Variants in C14orf39 observed in about 807,000 individuals in gnomAD.
C14orf39 encodes protein SIX6OS1.
In C14orf39, 66 loss-of-function variants were observed where a neutral mutation model predicts 85.6. The ratio of observed to expected loss-of-function variants is 0.77; its 90% CI spans 0.63 to 0.95. C14orf39 has a LOEUF of 0.95. Ranked by LOEUF, C14orf39 falls within the 40% of genes least tolerant of loss-of-function variation. The probability of loss-of-function intolerance (pLI) is 0.00; values close to 1 mark genes in which losing one functional copy is unlikely to be tolerated. For synonymous variants in C14orf39, 242 were observed against 214.0 expected (o/e 1.13, Z -1.14); for missense variants, 735 against 663.9 (o/e 1.11, Z -1.18).
chr14:60,461,322 C>T lies in C14orf39; in HGVS notation c.1117+32G>A, dbSNP rs537922292. On this transcript the variant is annotated intron_variant, in intron 13 of 17. Transcript: ENST00000321731. ...AACCTGATATAATTTGTTACCCCGA[C>T]TTCTTAGAAGAAAAATATAAACGGC... 447 of 1,579,344 alleles carry T rather than the reference C, an allele frequency of 2.8e-4. 2 individuals carry two copies. The South Asian group carries it at 4.7e-3, about 16-fold the overall frequency.
chr14:60,510,976 T>G, intron 1 of C14orf39: 1 of 1,192,924 alleles, frequency 8.4e-7, no homozygotes, highest in Non-Finnish European at 1.2e-6. Flanking sequence ...GCTGGGGTCT[T>G]CGGAAGAACC....
chr14:60,510,271 CAGTT>C (rs1018361280), intron 1 of C14orf39, among the ~76,000 whole-genome samples: 1 of 152,184 alleles, frequency 6.6e-6, no homozygotes, highest in African/African-American at 2.4e-5. Context: ...ATCCTACAAA[CAGTT>C]AGGGACCCCA....
intron 1 of C14orf39, among the ~76,000 whole-genome samples, chr14:60,508,157 T>C (rs895497800): frequency 6.6e-6 from 1 of 152,168 alleles, no homozygotes; most frequent in Non-Finnish European, 1.5e-5. Context: ...TGAATTGTTT[T>C]TGAGCTAAAA....
intron 1 of C14orf39, chr14:60,509,568 G>A (rs1323822988): frequency 5.0e-6 from 8 of 1,612,452 alleles, no homozygotes; most frequent in African/African-American, 1.3e-5. Context: ...CTACGCGCAC[G>A]AGCCATCGTG....
intron 16 of C14orf39, among the ~76,000 whole-genome samples, chr14:60,446,570 C>G (rs1257339888): frequency 6.6e-6 from 1 of 152,008 alleles, no homozygotes; most frequent in East Asian, 1.9e-4. Context: ...GCCTACCAAC[C>G]AAAAAAAGTC....
chr14:60,496,725 T>A (rs1255063483), intron 2 of C14orf39: 1 of 152,616 alleles, frequency 6.6e-6, no homozygotes, highest in African/African-American at 2.4e-5. Flanking sequence ...CTCATTCAAT[T>A]TATCACCATT....
chr14:60,509,560 A>C lies in C14orf39; in HGVS notation c.-144+5835T>G, dbSNP rs1893258157. ...CCCTCAACAAGAATGAGTCGGTGCT[A>C]CGCGCACGAGCCATCGTGGCCTTTC... On this transcript the variant is annotated intron_variant, in intron 1 of 5. Coordinates refer to the C14orf39 transcript ENST00000556799. The C allele has an allele frequency of 6.2e-7, 1 of 1,611,634 alleles. No homozygotes were observed. Among genetic ancestry groups the C allele is most frequent in the Admixed American group, 1.7e-5 (1 of 60,010 alleles).
At chr14:60,454,010 G>A (rs2140063843) in intron 16 of C14orf39, among the ~76,000 whole-genome samples, 1 of 151,878 alleles carries the variant, frequency 6.6e-6, no homozygotes, top group South Asian at 2.1e-4. Flanking sequence ...TTGCATTCAT[G>A]TTATTATTGT....
rs375563040 is a variant in C14orf39, at chr14:60,472,943, C to T, written c.324-1204G>A. Among the ~76,000 whole-genome samples the T allele has an allele frequency of 2.4e-4, 37 of 152,130 alleles. No individual in the cohort carries two copies. The South Asian group carries it at 3.7e-3, about 15-fold the overall frequency. ...CCAGTAATGGGATGGCTGGGTCAAA[C>T]GGTAATTCTAGTTCTAGATCCCTGA... On this transcript the variant is annotated intron_variant, in intron 5 of 17. Coordinates refer to ENST00000321731, the MANE Select transcript of C14orf39 (RefSeq NM_174978.3).
chr14:60,452,252 C>G (rs921750612), intron 16 of C14orf39, among the ~76,000 whole-genome samples: 1 of 150,706 alleles, frequency 6.6e-6, no homozygotes, highest in Non-Finnish European at 1.5e-5. Context: ...AAATAAAAAG[C>G]AAGAAATTAA....
intron 1 of C14orf39, chr14:60,509,675 G>A: frequency 3.1e-6 from 5 of 1,613,914 alleles, no homozygotes; most frequent in Non-Finnish European, 3.4e-6. Context: ...GCTGTGGCTT[G>A]AAGCACACTA....
chr14:60,479,623 C>T (rs906802303), intron 4 of C14orf39, among the ~76,000 whole-genome samples: 10 of 152,110 alleles, frequency 6.6e-5, no homozygotes, highest in African/African-American at 2.2e-4. Context: ...GATGTACATC[C>T]TTCTAGACTT....
chr14:60,507,388 C>T (rs558473345), intron 1 of C14orf39, among the ~76,000 whole-genome samples: 2 of 152,234 alleles, frequency 1.3e-5, no homozygotes, highest in South Asian at 4.1e-4. Context: ...GTTGTCCTTC[C>T]GGCTGATTCG....
At chr14:60,495,601 A>G (rs1328162509) in intron 2 of C14orf39, 1 of 219,620 alleles carries the variant, frequency 4.6e-6, no homozygotes, top group Non-Finnish European at 9.3e-6. Context: ...AACTTGGCAA[A>G]CAGCTGAAGG....
chr14:60,467,828 T>C (rs1008239599), intron 9 of C14orf39, among the ~76,000 whole-genome samples: 1 of 151,618 alleles, frequency 6.6e-6, no homozygotes, highest in African/African-American at 2.4e-5. Context: ...GGAAAGGAGT[T>C]TCAGAAGAAT....
At chr14:60,445,302 T>C (rs1021269130) in intron 16 of C14orf39, among the ~76,000 whole-genome samples, 1 of 152,160 alleles carries the variant, frequency 6.6e-6, no homozygotes, top group African/African-American at 2.4e-5. Context: ...CCCATCACTG[T>C]GCTGTATTCA....
intron 17 of C14orf39, among the ~76,000 whole-genome samples, chr14:60,439,170 A>G (rs1404924885): frequency 6.6e-6 from 1 of 152,218 alleles, no homozygotes; most frequent in Non-Finnish European, 1.5e-5. Context: ...CATGGACCCC[A>G]TAAATATGTA....
rs147728805 is a variant in C14orf39 at position 60,484,500 on chromosome 14, TC to T, written c.106+380del. On this transcript the variant is annotated intron_variant, in intron 3 of 17. Transcript: ENST00000321731. The surrounding 1 kb of genome is among the most constrained non-coding windows in gnomAD (Gnocchi z 4.2). ...TAACATTATTTTTCAGAATTATTAT[TC>T]CTGAAAATGTGGCATCTATCGATTT... Among the ~76,000 whole-genome samples, 2,196 of 152,248 alleles carry T rather than the reference TC, an allele frequency of 0.014. 46 individuals carry two copies. The highest frequency in any genetic ancestry group is 0.051 in the African/African-American group (2,108 of 41,534).
At chr14:60,512,576 A>AT (rs1274638842) in intron 1 of C14orf39, 1 of 152,218 alleles carries the variant, frequency 6.6e-6, no homozygotes, top group Non-Finnish European at 1.5e-5. Context: ...AATAACTGGC[A>AT]TTTTAAAAAC....
Sources: gnomAD v4.1 joint callset for allele counts (sites outside exome capture counted in the v4.1 genomes callset) on GRCh38, gnomAD v4.1.1 for gene constraint, Gnocchi (gnomAD v3.1) non-coding constraint, MANE v1.5 for transcripts, NCBI Gene and HGNC (gene_info 2026-07-23, HGNC 2026-07-21) for gene names.